The following PPWD1 variants were observed in gnomAD, a reference collection of about 807,000 sequenced individuals.
PPWD1 encodes peptidylprolyl isomerase domain and WD repeat-containing protein 1.
In PPWD1, 43 loss-of-function variants were observed where a neutral mutation model predicts 68.8. That is an observed-to-expected ratio of 0.62 (90% CI 0.49 to 0.81). The LOEUF is 0.81. Among genes scored for constraint, PPWD1 ranks in the 30% least tolerant of loss-of-function variants. The pLI, the probability that PPWD1 is intolerant of heterozygous loss-of-function variation, is 0.00. For missense variants in PPWD1, 672 were observed against 804.8 expected (o/e 0.83, Z 2.00); for synonymous variants, 232 against 258.7 (o/e 0.90, Z 0.99).
chr5:65,563,870 G>C (rs939748322), intron 1 of PPWD1: 4 of 1,458,606 alleles, frequency 2.7e-6, no homozygotes, highest in East Asian at 2.5e-5. Context: ...TCTCTTTAAG[G>C]CTTTAGTTCA....
At chr5:65,576,191 C>A (rs1561727505) in intron 5 of PPWD1, among the ~76,000 whole-genome samples, 1 of 151,412 alleles carries the variant, frequency 6.6e-6, no homozygotes, top group Non-Finnish European at 1.5e-5. Context: ...TTTCTTTATA[C>A]TTTGTTTAAT....
chr5:65,563,413 G>A lies in PPWD1; in HGVS notation c.103G>A (p.Ala35Thr). The A allele has an allele frequency of 6.2e-7, 1 of 1,614,196 alleles. No individual in the cohort carries two copies. Among genetic ancestry groups the A allele is most frequent in the Non-Finnish European group, 8.5e-7 (1 of 1,180,026 alleles). Residue 35 changes from alanine to threonine, a missense_variant, in exon 1 of 11, where the codon GCA becomes ACA. By Grantham distance (58) the Ala-to-Thr change is moderately conservative. Around this residue, in one of 2 missense-constraint regions of PPWD1, gnomAD observed 188 missense variants for 158.6 expected, o/e 1.19. Coordinates refer to ENST00000261308, the MANE Select transcript of PPWD1 (RefSeq NM_015342.4). Reference protein sequence around the residue: ...TELSERELAVAVAVSQENDEE... With the variant: ...TELSERELAVTVAVSQENDEE... ...ACTCAGCGAAAGAGAGCTGGCAGTA[G>A]CAGTGGCGGTGTCCCAGGAGAACGA...
Position 65,583,118 on chromosome 5 carries a change from A to G in PPWD1, c.1431A>G (p.Glu477=), listed in dbSNP as rs779871081. The change falls in exon 8 of 11, where the codon GAA becomes GAG. Residue 477 remains glutamate (E), a synonymous_variant. Coordinates refer to ENST00000261308, the MANE Select transcript of PPWD1 (RefSeq NM_015342.4). ...TTAATGAGAAACCTTCTAAAGAAGA[A>G]GTCATGGCAGCTACTCAAGCTGAAG... ...DVFNEKPSKE[E]VMAATQAEGP... The G allele has an allele frequency of 1.7e-5, 27 of 1,613,584 alleles. No individual in the cohort carries two copies. The highest frequency in any genetic ancestry group is 2.3e-5 in the Non-Finnish European group (27 of 1,179,844).
chr5:65,579,270 AC>A, intron 6 of PPWD1, 153 bp from the exon 7 acceptor site: 2 of 1,198,896 alleles, frequency 1.7e-6, no homozygotes, highest in Non-Finnish European at 2.2e-6. Flanking sequence ...TTAAATTGAT[AC>A]CTTTTGGGGG....
intron 5 of PPWD1, 30 bp downstream of exon 5, chr5:65,572,316 T>C: frequency 6.5e-7 from 1 of 1,536,862 alleles, no homozygotes; most frequent in Admixed American, 2.1e-5. Context: ...AACCGTACTT[T>C]ACTTTTCTAA....
At chr5:65,582,672 A>G (rs1403207091) in intron 7 of PPWD1, 1 of 158,512 alleles carries the variant, frequency 6.3e-6, no homozygotes, top group Non-Finnish European at 1.4e-5. Context: ...CAAACAATCT[A>G]AATAATGAAC....
intron 6 of PPWD1, among the ~76,000 whole-genome samples, chr5:65,577,537 T>A (rs753210327): frequency 3.9e-5 from 6 of 152,224 alleles, no homozygotes; most frequent in Non-Finnish European, 8.8e-5. Flanking sequence ...TCTCACTGAA[T>A]GTAAATGAAC....
At chr5:65,576,849 G>A in intron 5 of PPWD1, 30 bp from the exon 6 acceptor site, 1 of 1,606,152 alleles carries the variant, frequency 6.2e-7, no homozygotes, top group Non-Finnish European at 8.5e-7. Flanking sequence ...TGTATATAGA[G>A]TTTTTGTTAC....
At chr5:65,573,438 G>A (rs1460896014) in intron 5 of PPWD1, among the ~76,000 whole-genome samples, 3 of 126,434 alleles carry the variant, frequency 2.4e-5, no homozygotes, top group African/African-American at 6.3e-5. Flanking sequence ...GACTATAGGC[G>A]TGTGCCACCA....
At chr5:65,567,432 A>G in intron 1 of PPWD1, 81 bp from the exon 2 acceptor site, 1 of 1,416,226 alleles carries the variant, frequency 7.1e-7, no homozygotes, top group Non-Finnish European at 9.3e-7. Context: ...GAGTGTAGAC[A>G]ATTTTAAATA....
chr5:65,567,952 T>C (rs1280608177), intron 2 of PPWD1: 1 of 174,640 alleles, frequency 5.7e-6, no homozygotes, highest in Non-Finnish European at 1.2e-5. Flanking sequence ...AAATGTGGGC[T>C]AACATACCCT....
chr5:65,573,521 T>TTTTTTTTG (rs1753125999), intron 5 of PPWD1, among the ~76,000 whole-genome samples: 1 of 33,208 alleles, frequency 3.0e-5, no homozygotes, highest in African/African-American at 1.6e-4. Flanking sequence ...AGATGGTTTT[T>TTTTTTTTG]TTTTTTTTTT....
chr5:65,575,645 T>G (rs1753247062), intron 5 of PPWD1, among the ~76,000 whole-genome samples: 1 of 108,866 alleles, frequency 9.2e-6, no homozygotes, highest in African/African-American at 3.5e-5. Context: ...TAGAAAAGAA[T>G]GTAAAGATCG....
Position 65,572,161 on chromosome 5 carries a change from T to C in PPWD1, c.844T>C (p.Tyr282His). The C allele has an allele frequency of 6.2e-7, 1 of 1,614,076 alleles. No homozygotes were observed. The highest frequency in any genetic ancestry group is 8.5e-7 in the Non-Finnish European group (1 of 1,179,940). The change falls in exon 5 of 11, where the codon TAT (tyrosine) becomes CAT (histidine). Residue 282 changes from tyrosine (Y) to histidine (H), a missense_variant. Transcript: ENST00000261308. ...DLYEFAKCKA[Y>H]PTSVCFSPDG... ...ATATGAATTTGCCAAGTGTAAGGCT[T>C]ATCCAACCAGCGTATGTTTTTCACC...
Position 65,579,426 on chromosome 5 carries a change from G to GA in PPWD1, c.1163_1164insA (p.Cys388Ter). The change falls in exon 7 of 11, where the codon TGT becomes TGAT. Residue 388 changes from cysteine to a stop codon, truncating the protein, a stop_gained and frameshift_variant. Coordinates refer to ENST00000261308, the MANE Select transcript of PPWD1 (RefSeq NM_015342.4). LOFTEE classifies it high-confidence loss of function. ...IKVINVETNR[C>*]VRILGKQENI... ...ATAAAACATTGTTATATTTTTAGGT[G>GA]TGTGCGGATTTTAGGCAAACAAGAA... The GA allele has an allele frequency of 6.6e-7, 1 of 1,511,980 alleles. No individual in the cohort carries two copies. The highest frequency in any genetic ancestry group is 1.4e-5 in the African/African-American group (1 of 70,238). 93.7% of individuals were successfully genotyped at this position (1,511,980 alleles called of 1,614,324 possible).
At chr5:65,578,797 C>T (rs377093252) in intron 6 of PPWD1, among the ~76,000 whole-genome samples, 7 of 61,896 alleles carry the variant, frequency 1.1e-4, no homozygotes, top group South Asian at 4.5e-4. Context: ...TATATATATA[C>T]ATATATATGT....
intron 4 of PPWD1, 145 bp downstream of exon 4, chr5:65,570,143 T>A (rs1333345032): frequency 3.2e-6 from 4 of 1,232,428 alleles, no homozygotes; most frequent in Non-Finnish European, 4.3e-6. Context: ...GAAAATTAGA[T>A]ACAGTGAAGC....
intron 6 of PPWD1, among the ~76,000 whole-genome samples, chr5:65,577,589 T>C (rs1753357429): frequency 6.6e-6 from 1 of 152,230 alleles, no homozygotes; most frequent in South Asian, 2.1e-4. Flanking sequence ...CCTGTACATT[T>C]CCATGTATAA....
chr5:65,563,705 A>C (rs1752459006), intron 1 of PPWD1, 199 bp downstream of exon 1: 5 of 1,392,872 alleles, frequency 3.6e-6, no homozygotes, highest in Non-Finnish European at 4.9e-6. Flanking sequence ...CTTTTTGATA[A>C]TATCTAACAC....
Sources: gnomAD v4.1 joint callset for allele counts (sites outside exome capture counted in the v4.1 genomes callset) on GRCh38, gnomAD v4.1.1 for gene constraint, gnomAD v4.1.1 regional missense constraint, MANE v1.5 for transcripts, NCBI Gene and HGNC (gene_info 2026-07-23, HGNC 2026-07-21) for gene names.